Variants in BCAP29 observed in about 807,000 individuals in gnomAD.
BCAP29 encodes the protein B-cell receptor-associated protein 29.
Under a neutral mutation model 31.8 loss-of-function variants are expected in BCAP29, and 34 were observed. The observed-to-expected ratio is 1.07, with a 90% CI of 0.81 to 1.42. The LOEUF is 1.42. Ranked by LOEUF, BCAP29 falls within the 40% of genes most tolerant of loss-of-function variation. The pLI is 0.00. For missense variants in BCAP29, 314 were observed against 269.2 expected (o/e 1.17, Z -1.16); for synonymous variants, 104 against 91.3 (o/e 1.14, Z -0.79).
At chr7:107,612,437 A>ATATATATTTATTTATT (rs771741951) in intron 6 of BCAP29, among the ~76,000 whole-genome samples, 14 of 113,226 alleles carry the variant, frequency 1.2e-4, no homozygotes, top group African/African-American at 5.2e-4. Context: ...ATATATATAT[A>ATATATATTTATTTATT]TATTTATTTT....
At chr7:107,585,245 T>C (rs796289389) in intron 3 of BCAP29, among the ~76,000 whole-genome samples, 13 of 152,350 alleles carry the variant, frequency 8.5e-5, no homozygotes, top group African/African-American at 3.1e-4. Context: ...TGAGAAAATG[T>C]CTTCCATGTT....
chr7:107,606,871 T>A (rs1812196184), intron 6 of BCAP29, among the ~76,000 whole-genome samples: 1 of 152,216 alleles, frequency 6.6e-6, no homozygotes, highest in Non-Finnish European at 1.5e-5. Flanking sequence ...AAGGGAGTAT[T>A]TATCTGGAGC....
chr7:107,584,759 A>T (rs1475988371), intron 3 of BCAP29, among the ~76,000 whole-genome samples: 1 of 152,164 alleles, frequency 6.6e-6, no homozygotes, highest in African/African-American at 2.4e-5. Flanking sequence ...CAAAAATTTG[A>T]ATATGGAGTG....
At chr7:107,614,832 C>A (rs983569929) in intron 7 of BCAP29, among the ~76,000 whole-genome samples, 1 of 152,204 alleles carries the variant, frequency 6.6e-6, no homozygotes, top group Admixed American at 6.5e-5. Context: ...AAGACCACCC[C>A]TTCCCCGTCT....
In BCAP29 at chr7:107,620,334, G is replaced by C. The variant is rs572683477; in HGVS notation, c.*1971G>C. The C allele has an allele frequency of 2.0e-5, 3 of 152,282 alleles. No individual in the cohort carries two copies. The South Asian group carries it at 6.2e-4, about 32-fold the overall frequency. 9.4% of individuals were successfully genotyped at this position (152,282 alleles called of 1,614,324 possible). ...ATAAAATATTGCAGTGTATTAGCCG[G>C]CTGTGGCTCCAGAGTCTGTGCCCTT... On this transcript the variant is annotated 3_prime_UTR_variant, in exon 8 of 8. Transcript: ENST00000005259.
Position 107,595,850 on chromosome 7 carries a change from C to A in BCAP29, c.345-17C>A. On this transcript the variant is annotated splice_polypyrimidine_tract_variant and intron_variant, in intron 4 of 7. Transcript: ENST00000005259. ...GGTGATTGGCCAGTAATACATTATT[C>A]TGGTTTTTTTTCTTAGAGTTTTGAG... The A allele has an allele frequency of 6.3e-7, 1 of 1,589,600 alleles. No individual in the cohort carries two copies. The highest frequency in any genetic ancestry group is 1.2e-5 in the South Asian group (1 of 85,234).
intron 7 of BCAP29, 30 bp from the exon 8 acceptor site, chr7:107,618,298 A>G (rs757190632): frequency 6.7e-7 from 1 of 1,493,374 alleles, no homozygotes; most frequent in Admixed American, 2.1e-5. Context: ...TCTTTGCTGT[A>G]CTACATAAAT....
chr7:107,580,156 A>C (rs1806299025), upstream of BCAP29: 1 of 152,160 alleles, frequency 6.6e-6, no homozygotes. Context: ...CTGTGACCTC[A>C]GCCGGGACGG....
At chr7:107,610,889 G>A (rs1813002382) in intron 6 of BCAP29, among the ~76,000 whole-genome samples, 1 of 152,130 alleles carries the variant, frequency 6.6e-6, no homozygotes, top group Non-Finnish European at 1.5e-5. Flanking sequence ...ACCAACTCCT[G>A]TTCATTACAA....
intron 4 of BCAP29, 79 bp downstream of exon 4, chr7:107,594,184 G>A (rs1809382500): frequency 7.5e-7 from 1 of 1,335,070 alleles, no homozygotes; most frequent in African/African-American, 1.5e-5. Flanking sequence ...CACCTTTACT[G>A]TAGATTTTTT....
chr7:107,581,505 T>G (rs1041532941), intron 2 of BCAP29, among the ~76,000 whole-genome samples: 4 of 152,372 alleles, frequency 2.6e-5, no homozygotes, highest in Middle Eastern at 3.4e-3. Flanking sequence ...AGCCAAGCAG[T>G]GGTTCATTTT....
chr7:107,622,195 T>C (rs1439065823), downstream of BCAP29: 1 of 201,348 alleles, frequency 5.0e-6, no homozygotes, highest in Non-Finnish European at 1.0e-5. Flanking sequence ...CTCATATACA[T>C]GCTCTCAGCA....
intron 6 of BCAP29, among the ~76,000 whole-genome samples, chr7:107,606,541 G>A (rs1297587584): frequency 1.3e-5 from 2 of 152,148 alleles, no homozygotes; most frequent in African/African-American, 2.4e-5. Context: ...CAGGTTTTAT[G>A]CATCTGTTAG....
chr7:107,600,202 A>T, intron 5 of BCAP29, 195 bp from the exon 6 acceptor site: 1 of 611,668 alleles, frequency 1.6e-6, no homozygotes, highest in South Asian at 1.7e-5. Context: ...ATAATAGGAA[A>T]TCTTTTTTGT....
At chr7:107,612,481 T>C (rs114667793) in intron 6 of BCAP29, among the ~76,000 whole-genome samples, 1 of 146,974 alleles carries the variant, frequency 6.8e-6, no homozygotes. Context: ...TGCTGACATA[T>C]GACTTGTAGC....
At chr7:107,611,577 G>A (rs1276870296) in intron 6 of BCAP29, among the ~76,000 whole-genome samples, 3 of 152,168 alleles carry the variant, frequency 2.0e-5, no homozygotes, top group Non-Finnish European at 1.5e-5. Context: ...CCACCACCAT[G>A]CATCATATTT....
chr7:107,619,585 AAGTC>A lies in BCAP29; in HGVS notation c.*1225_*1228del, dbSNP rs1467338605. 8.5e-5 allele frequency: 13 copies of A among 152,180 alleles called. No individual in the cohort carries two copies. Among genetic ancestry groups the A allele is most frequent in the Admixed American group, 7.2e-4 (11 of 15,276 alleles). 9.4% of individuals were successfully genotyped at this position (152,180 alleles called of 1,614,324 possible). A position where few individuals can be genotyped will look rare whatever the true frequency, so the allele number is the denominator to read the frequency against. On this transcript the variant is annotated 3_prime_UTR_variant, in exon 8 of 8. Transcript: ENST00000005259. ...TACCTAAAAATTTTATTTCAGATAA[AAGTC>A]AGGAGTTACTGCTAAAAAACAGACA...
intron 6 of BCAP29, among the ~76,000 whole-genome samples, chr7:107,601,398 T>A (rs1396052026): frequency 6.6e-6 from 1 of 152,184 alleles, no homozygotes; most frequent in Non-Finnish European, 1.5e-5. Context: ...ATTCTGTGAA[T>A]AGAACAGAAA....
intron 7 of BCAP29, chr7:107,613,691 A>G (rs1166357374): frequency 6.2e-7 from 1 of 1,605,248 alleles, no homozygotes; most frequent in African/African-American, 1.5e-5. Context: ...AAAAGAAGCC[A>G]CAAAAATGGC....
Sources: gnomAD v4.1 joint callset for allele counts (sites outside exome capture counted in the v4.1 genomes callset) on GRCh38, gnomAD v4.1.1 for gene constraint, MANE v1.5 for transcripts, NCBI Gene and HGNC (gene_info 2026-07-23, HGNC 2026-07-21) for gene names.